TTBK2: variants seen among roughly 807,000 people sequenced by gnomAD.
TTBK2 encodes the protein tau-tubulin kinase 2.
In TTBK2, 28 loss-of-function variants were observed where a neutral mutation model predicts 110.8. The observed-to-expected ratio is 0.25, with a 90% confidence interval of 0.19 to 0.35. The LOEUF (loss-of-function observed/expected upper bound fraction) is 0.35, where lower values mean the gene tolerates loss of function less well. Among genes scored for constraint, TTBK2 ranks in the 10% least tolerant of loss-of-function variants. The pLI, the probability that TTBK2 is intolerant of heterozygous loss-of-function variation, is 1.00. For synonymous variants in TTBK2, 532 were observed against 527.3 expected (o/e 1.01, Z -0.12); for missense variants, 1,369 against 1,500.3 (o/e 0.91, Z 1.45).
intron 7 of TTBK2, among the ~76,000 whole-genome samples, chr15:42,814,976 A>T (rs1312987498): frequency 6.6e-6 from 1 of 152,246 alleles, no homozygotes; most frequent in Non-Finnish European, 1.5e-5. Flanking sequence ...TTAAAACAGT[A>T]AAAGTACATA....
chr15:42,825,698 G>C (rs1892501502), intron 6 of TTBK2, among the ~76,000 whole-genome samples: 2 of 152,292 alleles, frequency 1.3e-5, no homozygotes, highest in South Asian at 4.2e-4. Context: ...CTGGGCGACA[G>C]AGCGAGACTC....
intron 11 of TTBK2, among the ~76,000 whole-genome samples, chr15:42,780,039 T>G (rs1467792778): frequency 6.6e-6 from 1 of 151,310 alleles, no homozygotes; most frequent in African/African-American, 2.4e-5. Flanking sequence ...TGCTGTCTGT[T>G]TGAGACAGAG....
At position 42,745,436 on chromosome 15, in the gene TTBK2, T is replaced by C. The variant is rs887382606; in HGVS notation, c.*359A>G. The C allele has an allele frequency of 2.5e-5, 7 of 284,716 alleles. No homozygotes were observed. The highest frequency in any genetic ancestry group is 1.1e-4 in the African/African-American group (5 of 45,566). 17.6% of individuals were successfully genotyped at this position (284,716 alleles called of 1,614,324 possible). On this transcript the variant is annotated 3_prime_UTR_variant, in exon 15 of 15. Coordinates refer to ENST00000267890, the MANE Select transcript of TTBK2 (RefSeq NM_173500.4). ...AGTTTCACTTTTGCTATATAATCTT[T>C]GAATTGAGGCTTAAAAAAATTAGGC... is the stretch of plus-strand genomic sequence containing the variant.
chr15:42,855,800 T>C (rs1893914438), intron 3 of TTBK2, among the ~76,000 whole-genome samples: 1 of 152,230 alleles, frequency 6.6e-6, no homozygotes, highest in African/African-American at 2.4e-5. Context: ...TTCTCCTGCC[T>C]CAGCCTCCCG....
At chr15:42,864,477 G>A (rs754199315) in intron 3 of TTBK2, among the ~76,000 whole-genome samples, 5 of 152,110 alleles carry the variant, frequency 3.3e-5, no homozygotes, top group East Asian at 1.9e-4. Context: ...GCAAATACTC[G>A]GGAGGCTGAG....
chr15:42,832,929 A>T (rs1254902241), intron 4 of TTBK2, among the ~76,000 whole-genome samples: 1 of 152,186 alleles, frequency 6.6e-6, no homozygotes, highest in Admixed American at 6.5e-5. Context: ...TTAATAAGTG[A>T]ATAGTTACAT....
intron 3 of TTBK2, among the ~76,000 whole-genome samples, chr15:42,857,712 T>C (rs1893998523): frequency 6.6e-6 from 1 of 152,108 alleles, no homozygotes; most frequent in Non-Finnish European, 1.5e-5. Flanking sequence ...TCTAATACGT[T>C]CTTACATAAA....
rs16957201 is a variant in TTBK2 at position 42,822,905 on chromosome 15, T to C, written c.537+5023A>G. ...TAAAGGAGGGAATGTATGTTAGAGATGGGATGAACTCCTAGGAGAATAAAT... is the reference window on the plus strand; with the variant it reads ...TAAAGGAGGGAATGTATGTTAGAGACGGGATGAACTCCTAGGAGAATAAAT... On this transcript the variant is annotated intron_variant, in intron 6 of 14. Coordinates refer to ENST00000267890, the MANE Select transcript of TTBK2 (RefSeq NM_173500.4). Among the ~76,000 whole-genome samples, 744 of 152,226 alleles carry C rather than the reference T, an allele frequency of 4.9e-3. 4 individuals are homozygous for C. The highest frequency in any genetic ancestry group is 0.017 in the African/African-American group (703 of 41,534).
chr15:42,821,686 G>GTTTTTTT (rs869135370), intron 6 of TTBK2, among the ~76,000 whole-genome samples: 1 of 122,996 alleles, frequency 8.1e-6, no homozygotes, highest in African/African-American at 3.6e-5. Flanking sequence ...TTTGTTTTTT[G>GTTTTTTT]TTTTTTTTTT....
chr15:42,831,108 T>C lies in TTBK2; in HGVS notation c.292-1030A>G, dbSNP rs541094497. 1.2e-3 allele frequency among the ~76,000 whole-genome samples: 176 copies of C among 152,096 alleles called. 1 individual carries two copies. Among genetic ancestry groups the C allele is most frequent in the African/African-American group, 4.0e-3 (165 of 41,480 alleles). On this transcript the variant is annotated intron_variant, in intron 4 of 14. Coordinates refer to ENST00000267890, the MANE Select transcript of TTBK2 (RefSeq NM_173500.4). Reference sequence around the variant, plus strand: ...AGGGCACTAATTCCTCATTACTGCCTAACATATATTCTCATACAAGCTACT... The same window carrying C: ...AGGGCACTAATTCCTCATTACTGCCCAACATATATTCTCATACAAGCTACT...
chr15:42,915,282 G>A (rs950018628), intron 1 of TTBK2, among the ~76,000 whole-genome samples: 2 of 152,188 alleles, frequency 1.3e-5, no homozygotes, highest in Non-Finnish European at 2.9e-5. Flanking sequence ...TATCTGCACC[G>A]TCTGTGCTGT....
At chr15:42,822,421 T>C (rs547546501) in intron 6 of TTBK2, among the ~76,000 whole-genome samples, 1 of 152,242 alleles carries the variant, frequency 6.6e-6, no homozygotes, top group East Asian at 1.9e-4. Context: ...TACCTAGATA[T>C]TCAAATGAAA....
intron 13 of TTBK2, among the ~76,000 whole-genome samples, chr15:42,763,143 C>CATATATATATACAT (rs2062063829): frequency 2.0e-5 from 1 of 51,170 alleles, no homozygotes; most frequent in South Asian, 8.0e-4. Flanking sequence ...TATATACATA[C>CATATATATATACAT]ATATATATAT....
chr15:42,896,967 CT>C (rs1208332697), intron 1 of TTBK2, among the ~76,000 whole-genome samples: 1 of 151,930 alleles, frequency 6.6e-6, no homozygotes, highest in East Asian at 1.9e-4. Flanking sequence ...CAACCTCCAC[CT>C]CCCGAGTTCA....
intron 8 of TTBK2, 99 bp from the exon 9 acceptor site, chr15:42,810,838 G>A: frequency 2.2e-6 from 3 of 1,352,572 alleles, no homozygotes; most frequent in Non-Finnish European, 3.1e-6. Flanking sequence ...ACTAGGGAAT[G>A]AGATAGTGGG....
At chr15:42,812,645 C>T (rs570587493) in intron 7 of TTBK2, among the ~76,000 whole-genome samples, 1 of 151,830 alleles carries the variant, frequency 6.6e-6, no homozygotes, top group Non-Finnish European at 1.5e-5. Context: ...TCAAAAGAAG[C>T]TACAAAGAGT....
At chr15:42,855,737 T>C (rs1280842878) in intron 3 of TTBK2, among the ~76,000 whole-genome samples, 1 of 152,210 alleles carries the variant, frequency 6.6e-6, no homozygotes, top group Admixed American at 6.5e-5. Flanking sequence ...CAGGCTGGAG[T>C]GCAGTGGTGC....
intron 3 of TTBK2, 115 bp from the exon 4 acceptor site, chr15:42,840,548 C>A: frequency 3.1e-6 from 3 of 956,880 alleles, no homozygotes; most frequent in South Asian, 2.6e-5. Flanking sequence ...ATCTTGAGAA[C>A]CTTAAGGATA....
intron 14 of TTBK2, among the ~76,000 whole-genome samples, chr15:42,748,024 A>T (rs2061818829): frequency 6.6e-6 from 1 of 152,210 alleles, no homozygotes; most frequent in Non-Finnish European, 1.5e-5. Context: ...CCTATGCATG[A>T]TATAAAACAC....
Sources: allele counts gnomAD v4.1 joint callset (sites outside exome capture counted in the v4.1 genomes callset), GRCh38; gene constraint gnomAD v4.1.1; transcripts MANE v1.5; gene names NCBI Gene and HGNC (gene_info 2026-07-23, HGNC 2026-07-21).